The following ZNF454 variants were observed in gnomAD, a reference collection of about 807,000 sequenced individuals.
The protein encoded by ZNF454 is zinc finger protein 454.
A neutral mutation model predicts 48.2 loss-of-function variants in ZNF454; 30 were observed. The ratio of observed to expected loss-of-function variants is 0.62; its 90% CI spans 0.47 to 0.84. The LOEUF (loss-of-function observed/expected upper bound fraction) is 0.84. Among genes scored for constraint, ZNF454 ranks in the 40% least tolerant of loss-of-function variants. The pLI, the probability that ZNF454 is intolerant of heterozygous loss-of-function variation, is 0.00. For missense variants in ZNF454, 510 were observed against 623.1 expected (o/e 0.82, Z 1.93); for synonymous variants, 204 against 211.4 (o/e 0.97, Z 0.30).
chr5:178,943,066 C>A (rs1759175620), intron 2 of ZNF454, among the ~76,000 whole-genome samples: 1 of 152,192 alleles, frequency 6.6e-6, no homozygotes, highest in African/African-American at 2.4e-5. Context: ...ACCCAGGTCC[C>A]TGTGAAATCA....
In ZNF454 at chr5:178,965,511, T is replaced by C; in HGVS notation, c.1107T>C (p.Ser369=). ...GTGGGAAGGCCTTCAGGGTGAACTC[T>C]TCCCTTACTGAACATCAGAGAATTC... ...NECGKAFRVN[S]SLTEHQRIHT... Residue 369 remains serine (S), a synonymous_variant, in exon 5 of 5, where the codon TCT becomes TCC. Coordinates refer to ENST00000519564, the MANE Select transcript of ZNF454 (RefSeq NM_001178089.3). This position sits in a 1 kb window ranked among gnomAD's most constrained non-coding sequence, Gnocchi z 5.2. 6.2e-7 allele frequency: 1 copy of C among 1,613,690 alleles called. No homozygotes were observed. The highest frequency in any genetic ancestry group is 8.5e-7 in the Non-Finnish European group (1 of 1,179,906).
At chr5:178,985,701 T>A in the ZNF454 span, 31 of 349,388 alleles carry the variant, frequency 8.9e-5, no homozygotes, top group Middle Eastern at 5.1e-4. Flanking sequence ...AGACTCTGTC[T>A]AAAAAAAAAA....
chr5:178,988,173 G>A, the ZNF454 span, among the ~76,000 whole-genome samples: 248 of 152,276 alleles, frequency 1.6e-3, no homozygotes, highest in African/African-American at 5.8e-3. This position sits in a 1 kb window ranked among gnomAD's most constrained non-coding sequence, Gnocchi z 6.0. Flanking sequence ...CTGTCCAGGC[G>A]AGAGGATGAG....
the ZNF454 span, chr5:178,987,073 G>T: frequency 3.8e-4 from 518 of 1,352,574 alleles, no homozygotes; most frequent in Non-Finnish European, 4.9e-4. Flanking sequence ...GGAGAAAGGA[G>T]GAGCTTAACA....
the ZNF454 span, among the ~76,000 whole-genome samples, chr5:178,973,650 T>C: frequency 6.6e-6 from 1 of 152,138 alleles, no homozygotes; most frequent in African/African-American, 2.4e-5. Context: ...GAGACCATCC[T>C]GGCTAACACG....
At chr5:178,970,504 T>C (rs2113292522), downstream of ZNF454, among the ~76,000 whole-genome samples, 1 of 152,348 alleles carries the variant, frequency 6.6e-6, no homozygotes, top group Admixed American at 6.5e-5. Flanking sequence ...TCACACTCCC[T>C]GTGTTCCGTC....
At chr5:178,986,941 G>A in the ZNF454 span, 52 of 1,613,760 alleles carry the variant, frequency 3.2e-5, no homozygotes, top group Admixed American at 1.7e-4. Flanking sequence ...CCGCCCGGGC[G>A]CATCTCCGTT....
the ZNF454 span, chr5:178,989,377 G>A: frequency 6.8e-6 from 11 of 1,614,078 alleles, no homozygotes; most frequent in South Asian, 1.2e-4. Context: ...TGTTCTCCAG[G>A]GATCGAGTCA....
the ZNF454 span, chr5:178,980,770 A>T: frequency 1.3e-5 from 2 of 152,430 alleles, no homozygotes; most frequent in African/African-American, 4.8e-5. The surrounding 1 kb of genome is among the most constrained non-coding windows in gnomAD (Gnocchi z 4.3). Context: ...AGTAACTGGG[A>T]TTACAGGCAC....
chr5:178,982,857 A>G, the ZNF454 span: 1 of 1,291,566 alleles, frequency 7.7e-7, no homozygotes, highest in Non-Finnish European at 1.1e-6. Flanking sequence ...GAATGAATCG[A>G]CCAGCCTGAC....
chr5:178,961,905 T>C (rs1760025105), intron 4 of ZNF454, among the ~76,000 whole-genome samples: 1 of 151,812 alleles, frequency 6.6e-6, no homozygotes, highest in Non-Finnish European at 1.5e-5. Flanking sequence ...TGCAATCCAT[T>C]AAGACATTAT....
the ZNF454 span, chr5:178,986,539 C>G: frequency 6.2e-7 from 1 of 1,607,562 alleles, no homozygotes; most frequent in African/African-American, 1.3e-5. Flanking sequence ...AGGTGTGGGG[C>G]GGCAGCCCGT....
downstream of ZNF454, among the ~76,000 whole-genome samples, chr5:178,970,197 T>A (rs1347069537): frequency 6.6e-6 from 1 of 152,042 alleles, no homozygotes; most frequent in Non-Finnish European, 1.5e-5. Context: ...CGCCATAGCC[T>A]CCCCTTATCT....
the ZNF454 span, among the ~76,000 whole-genome samples, chr5:178,974,776 G>T: frequency 6.6e-6 from 1 of 152,174 alleles, no homozygotes; most frequent in Non-Finnish European, 1.5e-5. Context: ...AGCTAGATAT[G>T]AGTATCATAC....
chr5:178,986,550 G>A, the ZNF454 span: 1 of 1,607,492 alleles, frequency 6.2e-7, no homozygotes. Context: ...GGCAGCCCGT[G>A]TGGTTGGGCG....
At position 178,964,954 on chromosome 5, in the gene ZNF454, G is replaced by A. The variant is rs745724795; in HGVS notation, c.550G>A (p.Gly184Arg). ...AAATGCCTTTGAGTGTAGTGAGTGT[G>A]GAAAAGTCTTCTCTAAGAGTTCAAC... ...SKNAFECSEC[G>R]KVFSKSSTLN... Residue 184 changes from glycine (G) to arginine (R), a missense_variant, in exon 5 of 5, where the codon GGA (glycine) becomes AGA (arginine). Physicochemically the swap from Gly to Arg is moderately radical, Grantham distance 125 (BLOSUM62 -2). Transcript: ENST00000519564. 12 of 1,614,136 alleles carry A rather than the reference G, an allele frequency of 7.4e-6. No homozygotes were observed. The South Asian group carries it at 1.3e-4, about 18-fold the overall frequency.
At chr5:178,988,177 G>A in the ZNF454 span, among the ~76,000 whole-genome samples, 1 of 152,156 alleles carries the variant, frequency 6.6e-6, no homozygotes, top group Non-Finnish European at 1.5e-5. The surrounding 1 kb of genome is among the most constrained non-coding windows in gnomAD (Gnocchi z 6.0). Context: ...CCAGGCGAGA[G>A]GATGAGTTCA....
the ZNF454 span, chr5:178,982,968 C>T: frequency 6.2e-7 from 1 of 1,614,184 alleles, no homozygotes; most frequent in Non-Finnish European, 8.5e-7. Flanking sequence ...CCAGATGATG[C>T]AGGTGGTGTA....
intron 4 of ZNF454, among the ~76,000 whole-genome samples, chr5:178,958,343 A>G (rs138775869): frequency 1.9e-3 from 292 of 152,326 alleles, no homozygotes; most frequent in African/African-American, 6.8e-3. Context: ...TTTAAATCAT[A>G]CAGTATGTAC....
Sources: allele counts gnomAD v4.1 joint callset (sites outside exome capture counted in the v4.1 genomes callset), GRCh38; gene constraint gnomAD v4.1.1; non-coding constraint Gnocchi (gnomAD v3.1); transcripts MANE v1.5; gene names NCBI Gene and HGNC (gene_info 2026-07-23, HGNC 2026-07-21).